The following PKP4 variants were observed in gnomAD, a reference collection of about 807,000 sequenced individuals.
PKP4 encodes plakophilin-4.
A neutral mutation model predicts 145.1 loss-of-function variants in PKP4; 90 were observed. That is an observed-to-expected ratio of 0.62 (90% CI 0.52 to 0.74). The LOEUF (loss-of-function observed/expected upper bound fraction) is 0.74. Among genes scored for constraint, PKP4 ranks in the 30% least tolerant of loss-of-function variants. PKP4 has a pLI of 0.00. For missense variants in PKP4, 1,340 were observed against 1,482.7 expected, an observed-to-expected ratio of 0.90 and a Z score of 1.58; for synonymous variants, 563 against 577.2, an observed-to-expected ratio of 0.98 and a Z score of 0.35.
intron 1 of PKP4, among the ~76,000 whole-genome samples, chr2:158,459,813 G>GAC (rs771328129): frequency 4.3e-5 from 6 of 141,126 alleles, no homozygotes; most frequent in African/African-American, 1.0e-4. Flanking sequence ...ACACACACAC[G>GAC]ACACACACAC....
intron 4 of PKP4, among the ~76,000 whole-genome samples, chr2:158,614,001 C>A (rs540926306): frequency 6.6e-6 from 1 of 152,256 alleles, no homozygotes; most frequent in South Asian, 2.1e-4. Flanking sequence ...ATCAGTTGTA[C>A]TCAAATGCAA....
intron 4 of PKP4, among the ~76,000 whole-genome samples, chr2:158,611,289 A>G (rs965424349): frequency 1.3e-5 from 2 of 152,210 alleles, no homozygotes; most frequent in African/African-American, 4.8e-5. Context: ...TGATTTTAAC[A>G]TACTATTCAT....
intron 1 of PKP4, among the ~76,000 whole-genome samples, chr2:158,484,141 G>A (rs370814614): frequency 6.6e-6 from 1 of 151,088 alleles, no homozygotes; most frequent in African/African-American, 2.4e-5. Context: ...TCCGCCTCCC[G>A]GGTTCACGCC....
At chr2:158,512,343 T>C (rs2041590417) in intron 1 of PKP4, among the ~76,000 whole-genome samples, 1 of 152,234 alleles carries the variant, frequency 6.6e-6, no homozygotes, top group Non-Finnish European at 1.5e-5. Flanking sequence ...GAAAAGGTGA[T>C]TTAAACCCAT....
chr2:158,482,287 C>T (rs923179796), intron 1 of PKP4, among the ~76,000 whole-genome samples: 3 of 152,086 alleles, frequency 2.0e-5, no homozygotes, highest in Non-Finnish European at 4.4e-5. Context: ...CTCTCTTTAC[C>T]TTCTTCCTCC....
At chr2:158,466,293 G>A (rs1690596884) in intron 1 of PKP4, among the ~76,000 whole-genome samples, 1 of 152,098 alleles carries the variant, frequency 6.6e-6, no homozygotes, top group African/African-American at 2.4e-5. Context: ...CTGAGACCCT[G>A]ATACCATTTA....
In PKP4 at chr2:158,621,528, C is replaced by T. The variant is rs1037473488; in HGVS notation, c.603+107C>T. 8 of 861,474 alleles carry T rather than the reference C, an allele frequency of 9.3e-6. No homozygotes were observed. The African/African-American group carries it at 1.4e-4, about 15-fold the overall frequency. 53.4% of individuals were successfully genotyped at this position (861,474 alleles called of 1,614,324 possible). A position where few individuals can be genotyped will look rare whatever the true frequency, so the allele number is the denominator to read the frequency against. Reference sequence around the variant, plus strand: ...TGGGAGGCCGAGGCGGGTGGATCACCTGAGGTCAGGAGTTCAAGACCAGCC... The same window carrying T: ...TGGGAGGCCGAGGCGGGTGGATCACTTGAGGTCAGGAGTTCAAGACCAGCC... On this transcript the variant is annotated intron_variant, in intron 6 of 21. Transcript: ENST00000389759.
At chr2:158,474,693 A>T (rs1692171560) in intron 1 of PKP4, among the ~76,000 whole-genome samples, 1 of 152,076 alleles carries the variant, frequency 6.6e-6, no homozygotes, top group African/African-American at 2.4e-5. Flanking sequence ...GCTGTTCCAT[A>T]GTAGAGATAG....
At chr2:158,656,336 A>G (rs565850519) in intron 11 of PKP4, among the ~76,000 whole-genome samples, 2 of 143,046 alleles carry the variant, frequency 1.4e-5, no homozygotes, top group African/African-American at 5.2e-5. Flanking sequence ...AGTTCTTTTC[A>G]TAAGCACCCA....
intron 2 of PKP4, among the ~76,000 whole-genome samples, chr2:158,543,108 A>G (rs570551413): frequency 3.9e-5 from 6 of 152,126 alleles, no homozygotes; most frequent in African/African-American, 7.2e-5. Flanking sequence ...ACCTTTTTCA[A>G]CTTTGTGAGG....
chr2:158,533,838 T>C (rs971214349), intron 2 of PKP4, among the ~76,000 whole-genome samples: 1 of 152,182 alleles, frequency 6.6e-6, no homozygotes, highest in African/African-American at 2.4e-5. Flanking sequence ...CAATGTCATG[T>C]TTATGTTGAT....
At chr2:158,505,487 C>T (rs774546081) in intron 1 of PKP4, among the ~76,000 whole-genome samples, 2 of 152,278 alleles carry the variant, frequency 1.3e-5, no homozygotes, top group Non-Finnish European at 2.9e-5. Flanking sequence ...GTTTTTCCTC[C>T]TGTACTGTGC....
chr2:158,558,790 A>G (rs1016243513), intron 2 of PKP4, among the ~76,000 whole-genome samples: 6 of 152,104 alleles, frequency 3.9e-5, no homozygotes, highest in Admixed American at 3.3e-4. Context: ...GAGAAGGTGA[A>G]GGTGTCATGG....
At chr2:158,461,818 A>C (rs1256076448) in intron 1 of PKP4, among the ~76,000 whole-genome samples, 1 of 152,044 alleles carries the variant, frequency 6.6e-6, no homozygotes, top group Non-Finnish European at 1.5e-5. Context: ...CACTGCCCCC[A>C]CCACCCTGCC....
chr2:158,625,470 A>G (rs1558909735), intron 7 of PKP4, 43 bp downstream of exon 7: 1 of 1,465,956 alleles, frequency 6.8e-7, no homozygotes. Flanking sequence ...CAGTGAGGAA[A>G]TCTTCTGTGT....
At chr2:158,620,315 G>A (rs2052086768) in intron 4 of PKP4, among the ~76,000 whole-genome samples, 1 of 152,066 alleles carries the variant, frequency 6.6e-6, no homozygotes, top group Non-Finnish European at 1.5e-5. Context: ...GTTTGAATGG[G>A]GTTTGTTTTT....
At chr2:158,463,563 T>C (rs1179154425) in intron 1 of PKP4, among the ~76,000 whole-genome samples, 2 of 152,214 alleles carry the variant, frequency 1.3e-5, no homozygotes, top group Non-Finnish European at 2.9e-5. Context: ...TAGTCCTGGC[T>C]TTGCCACTAT....
intron 11 of PKP4, among the ~76,000 whole-genome samples, chr2:158,643,452 TGTAATC>T (rs776405075): frequency 3.3e-5 from 5 of 152,078 alleles, no homozygotes; most frequent in Admixed American, 2.6e-4. Context: ...AGCTCACACC[TGTAATC>T]GCAACACTTT....
At chr2:158,563,778 C>G (rs1048760872) in intron 2 of PKP4, among the ~76,000 whole-genome samples, 1 of 151,906 alleles carries the variant, frequency 6.6e-6, no homozygotes, top group Non-Finnish European at 1.5e-5. Flanking sequence ...TCCTGCTACA[C>G]CATTTCTTCA....
Sources: gnomAD v4.1 joint callset for allele counts (sites outside exome capture counted in the v4.1 genomes callset) on GRCh38, gnomAD v4.1.1 for gene constraint, MANE v1.5 for transcripts, NCBI Gene and HGNC (gene_info 2026-07-23, HGNC 2026-07-21) for gene names.